Variants in ZNF382 observed in about 807,000 individuals in gnomAD.
The protein encoded by ZNF382 is zinc finger protein 382.
In ZNF382, 20 loss-of-function variants were observed where a neutral mutation model predicts 38.8. The ratio of observed to expected loss-of-function variants is 0.51; its 90% CI spans 0.36 to 0.75. The LOEUF is 0.75. Among genes scored for constraint, ZNF382 ranks in the 30% least tolerant of loss-of-function variants. ZNF382 has a pLI of 0.00. For missense variants in ZNF382, 546 were observed against 654.1 expected (o/e 0.83, Z 1.80); for synonymous variants, 202 against 223.1 (o/e 0.91, Z 0.84).
At chr19:36,621,050 C>T (rs574330451) in intron 4 of ZNF382, among the ~76,000 whole-genome samples, 3 of 152,174 alleles carry the variant, frequency 2.0e-5, no homozygotes, top group South Asian at 2.1e-4. Flanking sequence ...TGAACCACCA[C>T]GCCCGGCCTG....
In ZNF382 at chr19:36,629,495, C is replaced by T. The variant is rs2037239912; in HGVS notation, c.*1945C>T. On this transcript the variant is annotated 3_prime_UTR_variant, in exon 5 of 5. Transcript: ENST00000292928. ...TCAAGCAAGAACTGCCCAGCTGAGG[C>T]CTTCCCAAATTCCTGGCCAACAAAA... 1 of 152,160 alleles carries T rather than the reference C, an allele frequency of 6.6e-6. No individual in the cohort carries two copies. The highest frequency in any genetic ancestry group is 1.5e-5 in the Non-Finnish European group (1 of 68,044). 9.4% of individuals were successfully genotyped at this position (152,160 alleles called of 1,614,324 possible).
intron 4 of ZNF382, among the ~76,000 whole-genome samples, chr19:36,621,108 C>T (rs1022866510): frequency 6.6e-6 from 1 of 152,062 alleles, no homozygotes; most frequent in African/African-American, 2.4e-5. Flanking sequence ...TCTCTTGTTC[C>T]CATAATCAGC....
intron 4 of ZNF382, among the ~76,000 whole-genome samples, chr19:36,618,688 G>GTT (rs146071891): frequency 2.5e-4 from 37 of 150,130 alleles, no homozygotes; most frequent in South Asian, 8.4e-4. Context: ...AAATAAGTGG[G>GTT]TTTTTTTTTT....
At chr19:36,625,122 ATATAT>A (rs2037201569) in intron 4 of ZNF382, among the ~76,000 whole-genome samples, 1 of 129,226 alleles carries the variant, frequency 7.7e-6, no homozygotes, top group Non-Finnish European at 1.7e-5. Context: ...ATATATATAT[ATATAT>A]AATGTATACA....
At chr19:36,613,179 CT>C (rs1191600120) in intron 4 of ZNF382, among the ~76,000 whole-genome samples, 6 of 152,122 alleles carry the variant, frequency 3.9e-5, no homozygotes, top group Non-Finnish European at 7.3e-5. Flanking sequence ...GGATAGAAAT[CT>C]TTTGTTCAAT....
rs10669183 is a variant in ZNF382 at position 36,627,681 on chromosome 19, AACACACACACACACAC to A, written c.*145_*160del. The A allele has an allele frequency of 1.9e-6, 1 of 532,388 alleles. No homozygotes were observed. The highest frequency in any genetic ancestry group is 3.3e-6 in the Non-Finnish European group (1 of 299,412). The allele number at this position is 532,388 out of a possible 1,614,324, so 33.0% of individuals were successfully genotyped here. A position where few individuals can be genotyped will look rare whatever the true frequency, so the allele number is the denominator to read the frequency against. On this transcript the variant is annotated 3_prime_UTR_variant, in exon 5 of 5. Coordinates refer to ENST00000292928, the MANE Select transcript of ZNF382 (RefSeq NM_032825.5). Reference sequence around the variant, plus strand: ...TAACCTACTGTTTGCCAGCCTGTAAAACACACACACACACACACACACACACACAAATATTATTAGA... The same window carrying A: ...TAACCTACTGTTTGCCAGCCTGTAAAACACACACACACAAATATTATTAGA...
intron 1 of ZNF382, 100 bp from the exon 2 acceptor site, chr19:36,607,452 G>A: frequency 1.4e-6 from 1 of 722,524 alleles, no homozygotes; most frequent in Non-Finnish European, 2.3e-6. Context: ...GACAAGTGCT[G>A]AAATAGTGAA....
Position 36,627,602 on chromosome 19 carries a change from A to C in ZNF382, c.*52A>C, listed in dbSNP as rs767614317. 1 of 1,383,396 alleles carries C rather than the reference A, an allele frequency of 7.2e-7. No homozygotes were observed. The highest frequency in any genetic ancestry group is 2.3e-5 in the East Asian group (1 of 43,170). 85.7% of individuals were successfully genotyped at this position (1,383,396 alleles called of 1,614,324 possible). A position where few individuals can be genotyped will look rare whatever the true frequency, so the allele number is the denominator to read the frequency against. The stretch of plus-strand genomic sequence containing the variant: ...TGTTAAGTCATAGTAAACCCTGTAG[A>C]TGATGTTGCTTGCAAGCGTAATATC... On this transcript the variant is annotated 3_prime_UTR_variant, in exon 5 of 5. Coordinates refer to ENST00000292928, the MANE Select transcript of ZNF382 (RefSeq NM_032825.5).
At chr19:36,619,629 C>T (rs79376164) in intron 4 of ZNF382, among the ~76,000 whole-genome samples, 2 of 152,098 alleles carry the variant, frequency 1.3e-5, no homozygotes, top group African/African-American at 4.8e-5. Flanking sequence ...GGTGACAAAG[C>T]GTTTTAAAGT....
Position 36,628,523 on chromosome 19 carries a change from T to C in ZNF382, c.*973T>C, listed in dbSNP as rs2037233342. The C allele has an allele frequency of 6.5e-6, 1 of 152,896 alleles. No individual in the cohort carries two copies. The highest frequency in any genetic ancestry group is 1.5e-5 in the Non-Finnish European group (1 of 68,094). The allele number at this position is 152,896 out of a possible 1,614,324, so 9.5% of individuals were successfully genotyped here. Reference sequence around the variant, plus strand: ...GTGAAAACTGGGAATGTGAATGTAATATATGTAGAAAAACATTTAGCCACA... The same window carrying C: ...GTGAAAACTGGGAATGTGAATGTAACATATGTAGAAAAACATTTAGCCACA... On this transcript the variant is annotated 3_prime_UTR_variant, in exon 5 of 5. Coordinates refer to ENST00000292928, the MANE Select transcript of ZNF382 (RefSeq NM_032825.5).
Position 36,627,000 on chromosome 19 carries a change from C to T in ZNF382, c.1103C>T (p.Thr368Ile). The change falls in exon 5 of 5, where the codon ACT (threonine) becomes ATT (isoleucine). Residue 368 changes from threonine to isoleucine, a missense_variant. Physicochemically the swap from Thr to Ile is moderately conservative, Grantham distance 89. Transcript: ENST00000292928. ...TCCTTCCGCCAGAAGGCCACCCTCA[C>T]TAGACATCACAAAACACATACGGGG... ...GKSFRQKATL[T>I]RHHKTHTGEK... 6.2e-7 allele frequency: 1 copy of T among 1,614,052 alleles called. No homozygotes were observed. Among genetic ancestry groups the T allele is most frequent in the Non-Finnish European group, 8.5e-7 (1 of 1,179,990 alleles).
rs529346052 is a variant in ZNF382 at position 36,607,314 on chromosome 19, C to T, written c.-84-238C>T. 5.9e-5 allele frequency among the ~76,000 whole-genome samples: 9 copies of T among 152,230 alleles called. No homozygotes were observed. In the South Asian group the frequency reaches 1.7e-3, roughly 28 times the overall value. On this transcript the variant is annotated intron_variant, in intron 1 of 4. Transcript: ENST00000292928. Reference sequence around the variant, plus strand: ...AAACACAGTGTTCCCTCTCTTCAAGCTAAAACAGGTTCCCCAGAATCCTGT... The same window carrying T: ...AAACACAGTGTTCCCTCTCTTCAAGTTAAAACAGGTTCCCCAGAATCCTGT...
intron 4 of ZNF382, among the ~76,000 whole-genome samples, chr19:36,620,835 T>C (rs554685285): frequency 6.6e-6 from 1 of 152,202 alleles, no homozygotes. Flanking sequence ...CTGGGCACAC[T>C]GCAACCTCCA....
chr19:36,615,688 G>A (rs2037120689), intron 4 of ZNF382, among the ~76,000 whole-genome samples: 1 of 152,162 alleles, frequency 6.6e-6, no homozygotes, highest in South Asian at 2.1e-4. Context: ...AACCTGAAAA[G>A]TTAAATACAT....
chr19:36,608,583 C>A (rs1196762038), intron 2 of ZNF382: 1 of 152,154 alleles, frequency 6.6e-6, no homozygotes, highest in Non-Finnish European at 1.5e-5. Context: ...TCTTCACAGT[C>A]CGTTTTTCTC....
rs528612505 is a variant in ZNF382 at position 36,606,616 on chromosome 19, G to A, written c.-84-936G>A. On this transcript the variant is annotated intron_variant, in intron 1 of 4. Coordinates refer to ENST00000292928, the MANE Select transcript of ZNF382 (RefSeq NM_032825.5). ...AGTGATCCCCTCCCCCCGCCCCCTCGGCCTGCCAAAGTACTGGGATTACAG... is the reference window on the plus strand; with the variant it reads ...AGTGATCCCCTCCCCCCGCCCCCTCAGCCTGCCAAAGTACTGGGATTACAG... Among the ~76,000 whole-genome samples the A allele has an allele frequency of 1.1e-4, 15 of 140,416 alleles. No homozygotes were observed. The East Asian group carries it at 2.6e-3, about 25-fold the overall frequency. 92.1% of individuals were successfully genotyped at this position (140,416 alleles called of 152,430 possible).
chr19:36,617,063 T>G (rs2037131403), intron 4 of ZNF382, among the ~76,000 whole-genome samples: 1 of 151,904 alleles, frequency 6.6e-6, no homozygotes, highest in Admixed American at 6.6e-5. Flanking sequence ...AGTAAAGTAA[T>G]GCCAAGAAGA....
At chr19:36,608,682 G>C (rs1029383721) in intron 2 of ZNF382, 1 of 152,198 alleles carries the variant, frequency 6.6e-6, no homozygotes, top group Non-Finnish European at 1.5e-5. Flanking sequence ...CCTCTGTCCA[G>C]AGTGTCAGAA....
intron 4 of ZNF382, among the ~76,000 whole-genome samples, chr19:36,618,677 C>G (rs1035379342): frequency 2.2e-5 from 3 of 133,670 alleles, no homozygotes; most frequent in African/African-American, 8.5e-5. Context: ...TTAGTGCCTT[C>G]AAATAAGTGG....
Sources: gnomAD v4.1 joint callset for allele counts (sites outside exome capture counted in the v4.1 genomes callset) on GRCh38, gnomAD v4.1.1 for gene constraint, MANE v1.5 for transcripts, NCBI Gene and HGNC (gene_info 2026-07-23, HGNC 2026-07-21) for gene names.